METTL24: variants seen among roughly 807,000 people sequenced by gnomAD.
The protein encoded by METTL24 is methyltransferase like 24.
A neutral mutation model predicts 32.7 loss-of-function variants in METTL24; 29 were observed. The observed-to-expected ratio is 0.89, with a 90% confidence interval of 0.66 to 1.21. METTL24 has a LOEUF of 1.21. METTL24 is among the 50% of genes most tolerant of loss of function. METTL24 has a pLI of 0.00. For synonymous variants in METTL24, 163 were observed against 179.5 expected (o/e 0.91, Z 0.73); for missense variants, 439 against 468.1 (o/e 0.94, Z 0.57).
At chr6:110,286,615 C>T (rs1270471891) in intron 4 of METTL24, among the ~76,000 whole-genome samples, 1 of 152,078 alleles carries the variant, frequency 6.6e-6, no homozygotes, top group Non-Finnish European at 1.5e-5. Context: ...TGGCTTCTGC[C>T]CAGGGAAAAT....
intron 1 of METTL24, among the ~76,000 whole-genome samples, chr6:110,342,246 G>A (rs190298114): frequency 2.0e-5 from 3 of 152,290 alleles, no homozygotes; most frequent in East Asian, 3.9e-4. Context: ...CTAATGCAGG[G>A]CTGTGTGTAT....
chr6:110,341,865 T>C (rs1175404031), intron 1 of METTL24, among the ~76,000 whole-genome samples: 2 of 152,204 alleles, frequency 1.3e-5, no homozygotes, highest in Non-Finnish European at 1.5e-5. Context: ...GAGCAAGCCT[T>C]TGTAGGCTGG....
intron 4 of METTL24, among the ~76,000 whole-genome samples, chr6:110,249,084 C>T (rs1303661583): frequency 6.6e-6 from 1 of 151,918 alleles, no homozygotes; most frequent in Non-Finnish European, 1.5e-5. Context: ...GTGAGGAATA[C>T]ATCGAAGTAT....
chr6:110,291,670 T>C (rs1771323444), intron 4 of METTL24, among the ~76,000 whole-genome samples: 1 of 152,204 alleles, frequency 6.6e-6, no homozygotes, highest in Non-Finnish European at 1.5e-5. Context: ...CCATTAGTTA[T>C]TTTTCTGATC....
In METTL24 at chr6:110,273,949, A is replaced by C. The variant is rs148626354; in HGVS notation, c.786+24973T>G. ...ATACATTTATAGCAGCACAATTCGC[A>C]ACTGTAAAATTATGGAACCATCCTA... is the stretch of plus-strand genomic sequence containing the variant. On this transcript the variant is annotated intron_variant, in intron 4 of 4. Coordinates refer to ENST00000338882, the MANE Select transcript of METTL24 (RefSeq NM_001123364.3). Among the ~76,000 whole-genome samples, 123 of 152,342 alleles carry C rather than the reference A, an allele frequency of 8.1e-4. 2 individuals are homozygous for C. The East Asian group carries it at 0.02, about 25-fold the overall frequency.
chr6:110,310,517 G>A (rs1394364660), intron 3 of METTL24, among the ~76,000 whole-genome samples: 2 of 151,954 alleles, frequency 1.3e-5, no homozygotes, highest in African/African-American at 4.8e-5. Context: ...AGATGATATT[G>A]TCATCTGAAC....
chr6:110,345,938 T>C (rs1772464542), intron 1 of METTL24, among the ~76,000 whole-genome samples: 2 of 152,112 alleles, frequency 1.3e-5, no homozygotes, highest in African/African-American at 4.8e-5. Flanking sequence ...GAAACAAAAG[T>C]TATAAACAAA....
At chr6:110,330,471 T>C (rs959517844) in intron 1 of METTL24, among the ~76,000 whole-genome samples, 1 of 152,156 alleles carries the variant, frequency 6.6e-6, no homozygotes, top group African/African-American at 2.4e-5. Context: ...CTGGGGAAAC[T>C]GGGGAGAAGG....
intron 1 of METTL24, among the ~76,000 whole-genome samples, chr6:110,329,360 T>A (rs1772072657): frequency 1.3e-5 from 2 of 152,204 alleles, no homozygotes; most frequent in African/African-American, 4.8e-5. Flanking sequence ...TGGAGAAGCC[T>A]AAGCTTTCTG....
At chr6:110,357,013 C>T (rs1772712516) in intron 1 of METTL24, among the ~76,000 whole-genome samples, 1 of 152,062 alleles carries the variant, frequency 6.6e-6, no homozygotes, top group Non-Finnish European at 1.5e-5. Flanking sequence ...CCTCCAGGAC[C>T]GGTGATGGGA....
rs141626357 is a variant in METTL24, at chr6:110,253,023, C to A, written c.787-6763G>T. 3.2e-4 allele frequency among the ~76,000 whole-genome samples: 49 copies of A among 152,294 alleles called. 1 individual carries two copies. In the East Asian group the frequency reaches 7.1e-3, roughly 22 times the overall value. Reference sequence around the variant, plus strand: ...GAGCTGTGAATGACTGATTGACTAACACAGTCTGGTAGAAGTGATTCTAAG... The same window carrying A: ...GAGCTGTGAATGACTGATTGACTAAAACAGTCTGGTAGAAGTGATTCTAAG... On this transcript the variant is annotated intron_variant, in intron 4 of 4. Coordinates refer to ENST00000338882, the MANE Select transcript of METTL24 (RefSeq NM_001123364.3).
At chr6:110,311,468 G>GTTTTTTTTT (rs1051868507) in intron 3 of METTL24, among the ~76,000 whole-genome samples, 11 of 96,140 alleles carry the variant, frequency 1.1e-4, no homozygotes, top group African/African-American at 1.7e-4. Flanking sequence ...TTCTTTCTTT[G>GTTTTTTTTT]TTTTTTTTTT....
chr6:110,331,918 C>G (rs1772117027), intron 1 of METTL24, among the ~76,000 whole-genome samples: 1 of 152,188 alleles, frequency 6.6e-6, no homozygotes, highest in African/African-American at 2.4e-5. Flanking sequence ...GCAGAGCCAG[C>G]CCGTCCCATA....
chr6:110,357,129 T>C (rs1189782128), intron 1 of METTL24, among the ~76,000 whole-genome samples: 1 of 152,074 alleles, frequency 6.6e-6, no homozygotes, highest in East Asian at 1.9e-4. Context: ...CAGGAGTTGA[T>C]GGGTAAAAGG....
At chr6:110,288,490 G>A (rs547256588) in intron 4 of METTL24, among the ~76,000 whole-genome samples, 4 of 152,114 alleles carry the variant, frequency 2.6e-5, no homozygotes, top group East Asian at 1.9e-4. Flanking sequence ...ACAAACCTAC[G>A]ACAACTGGCT....
Position 110,357,997 on chromosome 6 carries a change from C to G in METTL24, c.276G>C (p.Pro92=), listed in dbSNP as rs1316420560. The G allele has an allele frequency of 6.0e-6, 7 of 1,170,662 alleles. No individual in the cohort carries two copies. The highest frequency in any genetic ancestry group is 7.4e-6 in the Non-Finnish European group (7 of 948,772). 72.5% of individuals were successfully genotyped at this position (1,170,662 alleles called of 1,614,324 possible). ...CGCGCGGGGCACAGCAGCCAGGCTC[C>G]GGCGTCCCGCTCCCGCCGCCCCCCG... ...APPGGGGSGT[P]EPGCCAPRGR... is the part of the protein sequence containing the mutation. The change falls in exon 1 of 5, where the codon CCG becomes CCC. Residue 92 remains proline, a synonymous_variant. Coordinates refer to ENST00000338882, the MANE Select transcript of METTL24 (RefSeq NM_001123364.3).
At chr6:110,328,929 C>T (rs191108198) in intron 1 of METTL24, among the ~76,000 whole-genome samples, 2 of 152,242 alleles carry the variant, frequency 1.3e-5, no homozygotes, top group East Asian at 1.9e-4. Context: ...TTAGGCAGCC[C>T]ATGAAGAAAT....
At chr6:110,322,323 C>A (rs1458124514) in intron 2 of METTL24, among the ~76,000 whole-genome samples, 3 of 152,220 alleles carry the variant, frequency 2.0e-5, no homozygotes, top group Admixed American at 2.0e-4. Context: ...GCCTCCTCTG[C>A]TCTCTTGCCT....
At chr6:110,341,244 T>A (rs1772351268) in intron 1 of METTL24, among the ~76,000 whole-genome samples, 1 of 152,180 alleles carries the variant, frequency 6.6e-6, no homozygotes, top group South Asian at 2.1e-4. Context: ...CAGGCTCCAA[T>A]CTGTGCTGGT....
Sources: allele counts gnomAD v4.1 joint callset (sites outside exome capture counted in the v4.1 genomes callset), GRCh38; gene constraint gnomAD v4.1.1; transcripts MANE v1.5; gene names NCBI Gene and HGNC (gene_info 2026-07-23, HGNC 2026-07-21).